Variants in MACROD2 observed in about 807,000 individuals in gnomAD.
The protein encoded by MACROD2 is ADP-ribose glycohydrolase MACROD2.
In MACROD2, 36 loss-of-function variants were observed where a neutral mutation model predicts 70.4. The observed-to-expected ratio is 0.51, with a 90% CI of 0.39 to 0.68. The LOEUF is 0.68. MACROD2 is among the 30% of genes least tolerant of loss of function. The probability of loss-of-function intolerance (pLI) is 0.00; values close to 1 mark genes in which losing one functional copy is unlikely to be tolerated. For synonymous variants in MACROD2, 172 were observed against 178.8 expected, an observed-to-expected ratio of 0.96 and a Z score of 0.30; for missense variants, 496 against 538.4, an observed-to-expected ratio of 0.92 and a Z score of 0.78.
chr20:14,451,401 A>G (rs1034398455), intron 3 of MACROD2, among the ~76,000 whole-genome samples: 1 of 152,134 alleles, frequency 6.6e-6, no homozygotes, highest in East Asian at 1.9e-4. Context: ...GTGAGCTGAG[A>G]TCATGCCACT....
At chr20:15,724,624 A>T (rs1015976312) in intron 8 of MACROD2, among the ~76,000 whole-genome samples, 1 of 152,112 alleles carries the variant, frequency 6.6e-6, no homozygotes, top group Non-Finnish European at 1.5e-5. Flanking sequence ...TGGCCTGTCT[A>T]TTCTCTTCCA....
At position 14,156,023 on chromosome 20, in the gene MACROD2, A is replaced by G. The variant is rs373969694; in HGVS notation, c.271+70295A>G. On this transcript the variant is annotated intron_variant, in intron 3 of 17. Coordinates refer to ENST00000684519, the MANE Select transcript of MACROD2 (RefSeq NM_001351661.2). ...CATAAACTACAAAAATTAGCCAGGCATGGTGGTACATGCTCGTAGTCCCAA... is the reference window on the plus strand; with the variant it reads ...CATAAACTACAAAAATTAGCCAGGCGTGGTGGTACATGCTCGTAGTCCCAA... Among the ~76,000 whole-genome samples, 127 of 152,210 alleles carry G rather than the reference A, an allele frequency of 8.3e-4. 5 individuals carry two copies. The South Asian group carries it at 0.024, about 29-fold the overall frequency.
chr20:14,417,316 A>C (rs2083820277), intron 3 of MACROD2, among the ~76,000 whole-genome samples: 2 of 152,330 alleles, frequency 1.3e-5, no homozygotes, highest in African/African-American at 4.8e-5. Flanking sequence ...AGATACTTTG[A>C]AAACTGCCCT....
intron 5 of MACROD2, among the ~76,000 whole-genome samples, chr20:15,045,719 G>GTTT (rs71335981): frequency 0.02 from 1,459 of 73,118 alleles, 30 homozygotes; most frequent in Middle Eastern, 0.032. Context: ...CCAGACCAGG[G>GTTT]TTTTTTTTTT....
intron 5 of MACROD2, among the ~76,000 whole-genome samples, chr20:14,996,116 G>A (rs1032144791): frequency 1.3e-5 from 2 of 152,128 alleles, no homozygotes; most frequent in African/African-American, 2.4e-5. Flanking sequence ...GGAAAATGAA[G>A]GGGCCAAGAA....
intron 3 of MACROD2, among the ~76,000 whole-genome samples, chr20:14,224,474 C>A (rs924695837): frequency 6.6e-6 from 1 of 152,156 alleles, no homozygotes; most frequent in African/African-American, 2.4e-5. Context: ...CACTTTGATC[C>A]CAGCCTACTT....
chr20:15,264,805 G>T (rs988365796), intron 6 of MACROD2, among the ~76,000 whole-genome samples: 1 of 152,002 alleles, frequency 6.6e-6, no homozygotes, highest in Non-Finnish European at 1.5e-5. Flanking sequence ...AGTGAAATAA[G>T]GGAACTTCAG....
At chr20:14,950,186 C>T (rs1286773796) in intron 5 of MACROD2, among the ~76,000 whole-genome samples, 1 of 152,072 alleles carries the variant, frequency 6.6e-6, no homozygotes, top group East Asian at 1.9e-4. Flanking sequence ...AGGCAGATGG[C>T]TTCTAGGATG....
intron 8 of MACROD2, among the ~76,000 whole-genome samples, chr20:15,832,740 C>A (rs1188403041): frequency 6.6e-6 from 1 of 152,208 alleles, no homozygotes; most frequent in Non-Finnish European, 1.5e-5. Context: ...AAGTGACAGG[C>A]AAATGGCACC....
intron 6 of MACROD2, among the ~76,000 whole-genome samples, chr20:15,261,203 T>C (rs1056780143): frequency 2.0e-5 from 3 of 151,956 alleles, no homozygotes; most frequent in African/African-American, 7.2e-5. Context: ...CAGTCGATCA[T>C]TGGATTTATA....
intron 5 of MACROD2, among the ~76,000 whole-genome samples, chr20:14,980,905 C>T (rs555543707): frequency 6.6e-6 from 1 of 152,264 alleles, no homozygotes; most frequent in Admixed American, 6.5e-5. Flanking sequence ...TCTAAGCCAC[C>T]ATTCTTTCTC....
chr20:14,548,227 G>A (rs950438867), intron 4 of MACROD2, among the ~76,000 whole-genome samples: 4 of 152,064 alleles, frequency 2.6e-5, no homozygotes, highest in South Asian at 2.1e-4. Context: ...CCTTCTTCAC[G>A]TTTTCAGAAT....
At chr20:15,768,920 C>T (rs886432359) in intron 8 of MACROD2, among the ~76,000 whole-genome samples, 1 of 152,142 alleles carries the variant, frequency 6.6e-6, no homozygotes, top group Non-Finnish European at 1.5e-5. Flanking sequence ...TCACTATCTT[C>T]CACCTCCACA....
chr20:14,684,771 C>T, intron 4 of MACROD2, 72 bp from the exon 5 acceptor site: 1 of 1,231,774 alleles, frequency 8.1e-7, no homozygotes, highest in Non-Finnish European at 1.2e-6. Context: ...AGTTCTCTTC[C>T]TCTTCCCATC....
At chr20:13,999,349 CGTTATATTCTAATGAAACTAAT>C (rs2052703113) in intron 1 of MACROD2, among the ~76,000 whole-genome samples, 1 of 152,056 alleles carries the variant, frequency 6.6e-6, no homozygotes, top group Middle Eastern at 3.2e-3. Flanking sequence ...TCTGGATTTC[CGTTATATTCTAATGAAACTAAT>C]GTTCCTGAAG....
intron 2 of MACROD2, among the ~76,000 whole-genome samples, chr20:14,074,409 C>T (rs1601190162): frequency 1.3e-5 from 2 of 152,156 alleles, no homozygotes; most frequent in South Asian, 4.1e-4. Context: ...TGTCTTCACT[C>T]CTGACTGATT....
At chr20:15,637,808 C>T (rs1326781021) in intron 8 of MACROD2, among the ~76,000 whole-genome samples, 1 of 152,190 alleles carries the variant, frequency 6.6e-6, no homozygotes, top group African/African-American at 2.4e-5. Flanking sequence ...AGTTTTTAAT[C>T]TCAACATCAG....
intron 3 of MACROD2, among the ~76,000 whole-genome samples, chr20:14,312,322 T>C (rs573880411): frequency 1.3e-5 from 2 of 152,326 alleles, no homozygotes; most frequent in South Asian, 4.1e-4. Context: ...AATGCGTAAT[T>C]GCATGTTGGT....
chr20:15,513,646 A>G (rs1373465640), intron 8 of MACROD2, among the ~76,000 whole-genome samples: 2 of 152,240 alleles, frequency 1.3e-5, no homozygotes, highest in Non-Finnish European at 2.9e-5. Context: ...ACTGTTTTTC[A>G]TAAATTTCCA....
Sources: gnomAD v4.1 joint callset for allele counts (sites outside exome capture counted in the v4.1 genomes callset) on GRCh38, gnomAD v4.1.1 for gene constraint, MANE v1.5 for transcripts, NCBI Gene and HGNC (gene_info 2026-07-23, HGNC 2026-07-21) for gene names.